The following B3GALT5 variants were observed in gnomAD, a reference collection of about 807,000 sequenced individuals.
The protein encoded by B3GALT5 is UDP-Gal:betaGlcNAc beta 1,3-galactosyltransferase, polypeptide 5.
For missense variants in B3GALT5, 328 were observed against 396.6 expected, an observed-to-expected ratio of 0.83 and a Z score of 1.47; for synonymous variants, 156 against 158.6, an observed-to-expected ratio of 0.98 and a Z score of 0.12.
intron 1 of B3GALT5, among the ~76,000 whole-genome samples, chr21:39,636,633 G>A (rs2079229760): frequency 6.6e-6 from 1 of 151,996 alleles, no homozygotes; most frequent in Admixed American, 6.5e-5. Context: ...CCTTATTGTT[G>A]CCCACGAATT....
intron 1 of B3GALT5, among the ~76,000 whole-genome samples, chr21:39,623,201 TCCTCCCTCCCTCCCTCCCTCCCTCCCTC>T (rs1233817989): frequency 7.4e-5 from 4 of 54,240 alleles, no homozygotes; most frequent in African/African-American, 2.6e-4. Flanking sequence ...CCTCCCTCCT[TCCTCCCTCCCTCCCTCCCTCCCTCCCTC>T]CCTCCCTCCC....
intron 1 of B3GALT5, among the ~76,000 whole-genome samples, chr21:39,623,629 G>C (rs774498808): frequency 1.3e-5 from 2 of 152,034 alleles, no homozygotes; most frequent in Non-Finnish European, 2.9e-5. Flanking sequence ...CCAGCATTTT[G>C]GTATCTTCTA....
intron 1 of B3GALT5, among the ~76,000 whole-genome samples, chr21:39,626,103 C>T (rs1166730250): frequency 6.6e-6 from 1 of 152,172 alleles, no homozygotes; most frequent in Non-Finnish European, 1.5e-5. Context: ...CCCCCAGCCC[C>T]TGGGAACCCC....
At chr21:39,635,247 G>A (rs2079218835) in intron 1 of B3GALT5, among the ~76,000 whole-genome samples, 1 of 152,158 alleles carries the variant, frequency 6.6e-6, no homozygotes, top group Admixed American at 6.5e-5. Context: ...TGTGTGTGGT[G>A]AAATCCGTGG....
At position 39,656,473 on chromosome 21, in the gene B3GALT5, C is replaced by T. The variant is rs576726127; in HGVS notation, c.-160-3280C>T. On this transcript the variant is annotated intron_variant, in intron 2 of 3. Coordinates refer to ENST00000684187, the MANE Select transcript of B3GALT5 (RefSeq NM_001356336.2). The stretch of plus-strand genomic sequence containing the variant: ...CGTCCTTCACGGGGCTCAGAATGCT[C>T]ACCAGCTTCCTCTCCACCGAGGGCC... Among the ~76,000 whole-genome samples, 57 of 152,316 alleles carry T rather than the reference C, an allele frequency of 3.7e-4. No homozygotes were observed. The South Asian group carries it at 0.012, about 31-fold the overall frequency.
chr21:39,656,781 C>T (rs1450192866), intron 2 of B3GALT5, among the ~76,000 whole-genome samples: 2 of 152,208 alleles, frequency 1.3e-5, no homozygotes, highest in Admixed American at 6.5e-5. Flanking sequence ...CGTGCCTGTG[C>T]GGGTAGGATG....
chr21:39,643,017 A>G (rs567361909), intron 1 of B3GALT5, among the ~76,000 whole-genome samples: 1 of 151,848 alleles, frequency 6.6e-6, no homozygotes, highest in East Asian at 1.9e-4. Flanking sequence ...GTGGCACTGC[A>G]CTCCAGCCTG....
chr21:39,638,674 T>G (rs1040396869), intron 1 of B3GALT5, among the ~76,000 whole-genome samples: 1 of 152,176 alleles, frequency 6.6e-6, no homozygotes, highest in Non-Finnish European at 1.5e-5. Flanking sequence ...ACAAGCTGCC[T>G]ACGGATGGCT....
chr21:39,638,670 T>A (rs1399146346), intron 1 of B3GALT5, among the ~76,000 whole-genome samples: 1 of 152,152 alleles, frequency 6.6e-6, no homozygotes, highest in Admixed American at 6.5e-5. Context: ...TAACACAAGC[T>A]GCCTACGGAT....
In B3GALT5 at chr21:39,665,400, C is replaced by A. The variant is rs1438852522; in HGVS notation, c.*3908C>A. ...CTTCCCAGCAGCATCCAGAGTGATC[C>A]TTTGAAAATCTCATTTCTCTGCTCA... On this transcript the variant is annotated 3_prime_UTR_variant, in exon 4 of 4. Transcript: ENST00000684187. 1 of 152,278 alleles carries A rather than the reference C, an allele frequency of 6.6e-6. No individual in the cohort carries two copies. The allele number at this position is 152,278 out of a possible 1,614,324, so 9.4% of individuals were successfully genotyped here. A position where few individuals can be genotyped will look rare whatever the true frequency, so the allele number is the denominator to read the frequency against.
chr21:39,660,360 T>TAA (rs1569222077), intron 3 of B3GALT5, among the ~76,000 whole-genome samples, 200 bp from the exon 4 acceptor site: 1 of 152,222 alleles, frequency 6.6e-6, no homozygotes, highest in Non-Finnish European at 1.5e-5. Context: ...CTTTTTATCT[T>TAA]ACACCATGAA....
chr21:39,623,155 CTCTT>C (rs1429126075), intron 1 of B3GALT5, among the ~76,000 whole-genome samples: 4 of 130,312 alleles, frequency 3.1e-5, no homozygotes, highest in East Asian at 4.8e-4. Flanking sequence ...TCCTCCCTTT[CTCTT>C]TCTTTCTCTC....
Position 39,640,079 on chromosome 21 carries a change from T to C in B3GALT5, c.-391-6313T>C, listed in dbSNP as rs1310585250. Among the ~76,000 whole-genome samples the C allele has an allele frequency of 2.3e-5, 3 of 128,464 alleles. No individual in the cohort carries two copies. In the South Asian group the frequency reaches 9.1e-4, roughly 39 times the overall value. 84.3% of individuals were successfully genotyped at this position (128,464 alleles called of 152,430 possible). ...TTGCTGCCATGGTAGAGGGTGGGGG[T>C]GGGCTTTAAAACGGTGTTATTCCCA... is the stretch of plus-strand genomic sequence containing the variant. On this transcript the variant is annotated intron_variant, in intron 1 of 3. Coordinates refer to ENST00000684187, the MANE Select transcript of B3GALT5 (RefSeq NM_001356336.2).
chr21:39,634,298 A>G (rs856995), intron 1 of B3GALT5, among the ~76,000 whole-genome samples: 77,113 of 151,916 alleles, frequency 0.51, 19,814 homozygotes, highest in South Asian at 0.6. Context: ...TTTTTCCAGA[A>G]TAGGGTGGGA....
At chr21:39,623,809 A>C (rs977255447) in intron 1 of B3GALT5, among the ~76,000 whole-genome samples, 2 of 152,168 alleles carry the variant, frequency 1.3e-5, no homozygotes, top group African/African-American at 2.4e-5. Flanking sequence ...CCTAGAGTCC[A>C]GTTTTGATTT....
At chr21:39,653,015 A>G (rs2079410060) in intron 2 of B3GALT5, among the ~76,000 whole-genome samples, 1 of 152,186 alleles carries the variant, frequency 6.6e-6, no homozygotes. Flanking sequence ...TGGCTCAATG[A>G]GTTTTTACAT....
At chr21:39,628,005 AG>A (rs1010990199) in intron 1 of B3GALT5, among the ~76,000 whole-genome samples, 1 of 152,238 alleles carries the variant, frequency 6.6e-6, no homozygotes, top group African/African-American at 2.4e-5. Context: ...CAATAAAACC[AG>A]GGATGAACAC....
chr21:39,623,233 C>CCTTCCTTCCTTCCTT (rs2079145823), intron 1 of B3GALT5, among the ~76,000 whole-genome samples: 1 of 18,722 alleles, frequency 5.3e-5, no homozygotes, highest in Admixed American at 5.9e-4. Flanking sequence ...CTCCCTCCCT[C>CCTTCCTTCCTTCCTT]CCTCCCTCCC....
At position 39,671,506 on chromosome 21, in the gene B3GALT5, C is replaced by T. The variant is rs536120308; in HGVS notation, c.*10014C>T. 16 of 152,296 alleles carry T rather than the reference C, an allele frequency of 1.1e-4. No individual in the cohort carries two copies. Among genetic ancestry groups the T allele is most frequent in the African/African-American group, 3.9e-4 (16 of 41,552 alleles). 9.4% of individuals were successfully genotyped at this position (152,296 alleles called of 1,614,324 possible). On this transcript the variant is annotated 3_prime_UTR_variant, in exon 4 of 4. Transcript: ENST00000684187. ...TGGTATTCAGGCACCCACAAGGCAA[C>T]TCCCATCACAAGAAAGAATGGTGGC...
Sources: allele counts gnomAD v4.1 joint callset (sites outside exome capture counted in the v4.1 genomes callset), GRCh38; gene constraint gnomAD v4.1.1; transcripts MANE v1.5; gene names NCBI Gene and HGNC (gene_info 2026-07-23, HGNC 2026-07-21).